The following CREB5 variants were observed in gnomAD, a reference collection of about 807,000 sequenced individuals.
CREB5 encodes the protein cyclic AMP-responsive element-binding protein 5.
Under a neutral mutation model 57.1 loss-of-function variants are expected in CREB5, and 19 were observed. The ratio of observed to expected loss-of-function variants is 0.33; its 90% CI spans 0.23 to 0.49. CREB5 has a LOEUF of 0.49. CREB5 is among the 20% of genes least tolerant of loss of function. CREB5 has a pLI of 0.99. For synonymous variants in CREB5, 238 were observed against 238.3 expected (o/e 1.00, Z 0.01); for missense variants, 579 against 671.6 (o/e 0.86, Z 1.52).
chr7:28,610,569 G>A (rs1009383825), intron 5 of CREB5, among the ~76,000 whole-genome samples: 1 of 152,154 alleles, frequency 6.6e-6, no homozygotes, highest in African/African-American at 2.4e-5. Flanking sequence ...GCATTGACAG[G>A]CTTCCCGAAG....
chr7:28,455,903 T>G (rs1193366964), intron 1 of CREB5, among the ~76,000 whole-genome samples: 1 of 152,188 alleles, frequency 6.6e-6, no homozygotes, highest in Non-Finnish European at 1.5e-5. Context: ...CTGCATGCAT[T>G]TCACTCCTTG....
Position 28,789,834 on chromosome 7 carries a change from T to TA in CREB5, c.703-14357dup, listed in dbSNP as rs200236451. Among the ~76,000 whole-genome samples, 446 of 151,836 alleles carry TA rather than the reference T, an allele frequency of 2.9e-3. 4 individuals are homozygous for TA. The highest frequency in any genetic ancestry group is 4.7e-3 in the Non-Finnish European group (322 of 67,906). On this transcript the variant is annotated intron_variant, in intron 7 of 10. Transcript: ENST00000357727. ...AGTGATACATACTCTATCCTTAAATTAAAAAAAACAAAAATAGATCAAAAT... is the reference window on the plus strand; with the variant it reads ...AGTGATACATACTCTATCCTTAAATTAAAAAAAAACAAAAATAGATCAAAAT...
intron 7 of CREB5, among the ~76,000 whole-genome samples, chr7:28,784,790 C>T (rs1725077172): frequency 6.6e-6 from 1 of 152,140 alleles, no homozygotes; most frequent in Non-Finnish European, 1.5e-5. Context: ...TCTCGCTCAG[C>T]CTCTAATGCC....
intron 1 of CREB5, among the ~76,000 whole-genome samples, chr7:28,399,957 C>A (rs890188950): frequency 1.3e-5 from 2 of 152,076 alleles, no homozygotes; most frequent in African/African-American, 4.8e-5. Flanking sequence ...ACTCGGGAGG[C>A]TGAGGCAGGA....
chr7:28,309,803 C>T (rs779767247), intron 1 of CREB5, among the ~76,000 whole-genome samples: 21 of 152,208 alleles, frequency 1.4e-4, no homozygotes, highest in Admixed American at 2.0e-4. Flanking sequence ...CCTGGCCCTA[C>T]GTTGCCTCTC....
At chr7:28,688,016 A>G (rs995618190) in intron 5 of CREB5, among the ~76,000 whole-genome samples, 1 of 152,220 alleles carries the variant, frequency 6.6e-6, no homozygotes, top group Non-Finnish European at 1.5e-5. Flanking sequence ...TCCATGTTCT[A>G]TACAAAAGTT....
chr7:28,619,670 A>G (rs1349007656), intron 5 of CREB5, among the ~76,000 whole-genome samples: 4 of 152,202 alleles, frequency 2.6e-5, no homozygotes, highest in African/African-American at 9.6e-5. Context: ...CATCTCTAAA[A>G]TAAATGTGTC....
intron 5 of CREB5, among the ~76,000 whole-genome samples, chr7:28,622,391 A>G (rs983318842): frequency 6.6e-6 from 1 of 152,158 alleles, no homozygotes; most frequent in Non-Finnish European, 1.5e-5. Context: ...TAGCCACCAG[A>G]CATGCCCTCT....
In CREB5 at chr7:28,369,458, G is replaced by A. The variant is rs78676192; in HGVS notation, c.-25+70017G>A. On this transcript the variant is annotated intron_variant, in intron 1 of 9. Transcript: ENST00000396299. ...CTGAGCTGTCAGTGTCCAGCTCTACGGACATTGTGGGCAAGTCACATCATT... is the reference window on the plus strand; with the variant it reads ...CTGAGCTGTCAGTGTCCAGCTCTACAGACATTGTGGGCAAGTCACATCATT... 5.4e-3 allele frequency among the ~76,000 whole-genome samples: 798 copies of A among 148,558 alleles called. 6 individuals carry two copies. Among genetic ancestry groups the A allele is most frequent in the African/African-American group, 0.018 (742 of 41,388 alleles).
intron 1 of CREB5, among the ~76,000 whole-genome samples, chr7:28,329,478 A>C (rs1213910656): frequency 1.3e-5 from 2 of 152,262 alleles, no homozygotes; most frequent in East Asian, 3.8e-4. Context: ...AGGTTCTTGC[A>C]TTTGGAAAAC....
chr7:28,649,981 C>T (rs1373829661), intron 5 of CREB5, among the ~76,000 whole-genome samples: 1 of 152,142 alleles, frequency 6.6e-6, no homozygotes, highest in Non-Finnish European at 1.5e-5. Flanking sequence ...CCCTTTGAAA[C>T]ATGCAGACTC....
chr7:28,378,738 C>T (rs1010972955), intron 1 of CREB5, among the ~76,000 whole-genome samples: 3 of 152,246 alleles, frequency 2.0e-5, no homozygotes, highest in East Asian at 1.9e-4. Context: ...TAGTGATTGC[C>T]CTTTGGATAG....
intron 4 of CREB5, among the ~76,000 whole-genome samples, chr7:28,533,081 C>G (rs1361160898): frequency 6.6e-6 from 1 of 152,050 alleles, no homozygotes; most frequent in Non-Finnish European, 1.5e-5. Flanking sequence ...ATGGTGAAAC[C>G]CTGTCTCTAC....
intron 4 of CREB5, among the ~76,000 whole-genome samples, chr7:28,564,835 A>G (rs1451590036): frequency 6.6e-6 from 1 of 152,240 alleles, no homozygotes; most frequent in African/African-American, 2.4e-5. Flanking sequence ...ACAAAAGCTT[A>G]TGGTTATGAA....
At chr7:28,656,161 AT>A (rs1242553956) in intron 5 of CREB5, among the ~76,000 whole-genome samples, 2 of 152,210 alleles carry the variant, frequency 1.3e-5, no homozygotes, top group East Asian at 3.8e-4. Context: ...ACATCATAAC[AT>A]TTACTCATAA....
At chr7:28,704,862 A>G (rs1802029570) in intron 5 of CREB5, among the ~76,000 whole-genome samples, 1 of 152,180 alleles carries the variant, frequency 6.6e-6, no homozygotes, top group African/African-American at 2.4e-5. Flanking sequence ...ATGAGGAAAC[A>G]GAAACTCAGA....
chr7:28,817,914 A>G (rs1414653247), intron 9 of CREB5, among the ~76,000 whole-genome samples, 157 bp from the exon 10 acceptor site: 1 of 152,212 alleles, frequency 6.6e-6, no homozygotes, highest in Non-Finnish European at 1.5e-5. Flanking sequence ...AATTAAAGGT[A>G]AGCTACAAAC....
At chr7:28,392,089 A>G (rs551322154) in intron 1 of CREB5, among the ~76,000 whole-genome samples, 1 of 152,292 alleles carries the variant, frequency 6.6e-6, no homozygotes, top group African/African-American at 2.4e-5. Flanking sequence ...ACATGGACAC[A>G]AAGAGGGGAA....
chr7:28,586,172 C>G (rs936107203), intron 5 of CREB5, among the ~76,000 whole-genome samples: 1 of 152,062 alleles, frequency 6.6e-6, no homozygotes, highest in Non-Finnish European at 1.5e-5. Flanking sequence ...CTCCAAAAGC[C>G]CATGCTCCTT....
Sources: gnomAD v4.1 joint callset for allele counts (sites outside exome capture counted in the v4.1 genomes callset) on GRCh38, gnomAD v4.1.1 for gene constraint, MANE v1.5 for transcripts, NCBI Gene and HGNC (gene_info 2026-07-23, HGNC 2026-07-21) for gene names.